Variants in KCNH1 observed in about 807,000 individuals in gnomAD.
KCNH1 encodes voltage-gated delayed rectifier potassium channel KCNH1.
KCNH1 carries 27 observed loss-of-function variants against 69.2 expected under a neutral mutation model. The observed-to-expected ratio is 0.39, with a 90% confidence interval of 0.29 to 0.54. KCNH1 has a LOEUF of 0.54. Among genes scored for constraint, KCNH1 ranks in the 20% least tolerant of loss-of-function variants. The pLI is 0.68. For synonymous variants in KCNH1, 456 were observed against 487.7 expected, an observed-to-expected ratio of 0.93 and a Z score of 0.86; for missense variants, 798 against 1,261.6, an observed-to-expected ratio of 0.63 and a Z score of 5.57.
At chr1:211,131,168 AG>A (rs1319089054) in intron 1 of KCNH1, among the ~76,000 whole-genome samples, 1 of 152,122 alleles carries the variant, frequency 6.6e-6, no homozygotes. Flanking sequence ...ATGGGGAAGG[AG>A]AGGCAGACTA....
intron 10 of KCNH1, among the ~76,000 whole-genome samples, chr1:210,729,065 C>T (rs529830538): frequency 9.8e-5 from 15 of 152,334 alleles, no homozygotes; most frequent in Middle Eastern, 3.4e-3. Flanking sequence ...TTAGATTATA[C>T]ATGAAACTGT....
intron 6 of KCNH1, among the ~76,000 whole-genome samples, chr1:210,952,006 CTT>C (rs915021676): frequency 1.3e-5 from 2 of 152,166 alleles, no homozygotes; most frequent in Non-Finnish European, 2.9e-5. Context: ...CCTGAGGACA[CTT>C]GCGCGGGGTA....
Position 211,133,998 on chromosome 1 carries a change from G to T in KCNH1, c.-53C>A. Reference sequence around the variant, plus strand: ...CGTCCTGGCGCGGCTTCTTACGACAGCAGGAAACTGGCCTCGGGGCCCGCA... The same window carrying T: ...CGTCCTGGCGCGGCTTCTTACGACATCAGGAAACTGGCCTCGGGGCCCGCA... On this transcript the variant is annotated 5_prime_UTR_variant, in exon 1 of 11. It adds an upstream start codon to the 5' untranslated region. Coordinates refer to ENST00000271751, the MANE Select transcript of KCNH1 (RefSeq NM_172362.3). This position sits in a 1 kb window ranked among gnomAD's most constrained non-coding sequence, Gnocchi z 5.4. 1.3e-6 allele frequency: 2 copies of T among 1,510,946 alleles called. No individual in the cohort carries two copies. The highest frequency in any genetic ancestry group is 1.8e-6 in the Non-Finnish European group (2 of 1,091,182). The allele number at this position is 1,510,946 out of a possible 1,614,324, so 93.6% of individuals were successfully genotyped here.
At chr1:210,997,346 C>T (rs1009777676) in intron 6 of KCNH1, among the ~76,000 whole-genome samples, 5 of 152,140 alleles carry the variant, frequency 3.3e-5, no homozygotes, top group African/African-American at 4.8e-5. Context: ...AGCCAAGGCT[C>T]CAGAACTACG....
intron 8 of KCNH1, 74 bp from the exon 9 acceptor site, chr1:210,797,834 G>A (rs187962652): frequency 1.3e-6 from 2 of 1,530,366 alleles, no homozygotes; most frequent in African/African-American, 2.7e-5. Flanking sequence ...AGCACTCTAG[G>A]GGGAGGAGCA....
chr1:211,024,981 C>T (rs1053834005), intron 5 of KCNH1, among the ~76,000 whole-genome samples: 1 of 152,142 alleles, frequency 6.6e-6, no homozygotes, highest in Non-Finnish European at 1.5e-5. Context: ...AGATTCAAAA[C>T]GCATGCTGTT....
chr1:211,052,860 T>C (rs911117969), intron 5 of KCNH1, among the ~76,000 whole-genome samples: 3 of 152,208 alleles, frequency 2.0e-5, no homozygotes, highest in African/African-American at 4.8e-5. Context: ...TAATTCTCTG[T>C]GTATCTGTCC....
chr1:210,865,083 G>A (rs930450450), intron 7 of KCNH1, among the ~76,000 whole-genome samples: 1 of 152,190 alleles, frequency 6.6e-6, no homozygotes, highest in Admixed American at 6.5e-5. Context: ...GGCTTTCCAG[G>A]TTCAAGGGTA....
chr1:210,821,376 C>T (rs1203575224), intron 7 of KCNH1, among the ~76,000 whole-genome samples: 1 of 152,140 alleles, frequency 6.6e-6, no homozygotes, highest in African/African-American at 2.4e-5. Context: ...GTAGAGAATC[C>T]ACTCATGTAG....
chr1:210,806,858 T>TATATATATATA (rs1684591788), intron 7 of KCNH1, among the ~76,000 whole-genome samples: 1 of 128,668 alleles, frequency 7.8e-6, no homozygotes, highest in Non-Finnish European at 1.6e-5. Context: ...TATATATAAA[T>TATATATATATA]TTGCCGGGCA....
At chr1:210,740,673 GA>G (rs1166896575) in intron 10 of KCNH1, among the ~76,000 whole-genome samples, 2 of 140,074 alleles carry the variant, frequency 1.4e-5, no homozygotes, top group Non-Finnish European at 1.5e-5. Context: ...CCAACTTTGA[GA>G]AAAAGTCTCT....
At chr1:211,102,127 A>G (rs1179400937) in intron 3 of KCNH1, among the ~76,000 whole-genome samples, 1 of 152,164 alleles carries the variant, frequency 6.6e-6, no homozygotes, top group African/African-American at 2.4e-5. Context: ...TCCTCATAAT[A>G]CAGGATCTTC....
intron 6 of KCNH1, among the ~76,000 whole-genome samples, chr1:210,924,813 A>G (rs374988859): frequency 5.9e-5 from 9 of 151,576 alleles, no homozygotes; most frequent in African/African-American, 2.2e-4. Context: ...GGCAGCCCCA[A>G]CCCCCAGAAA....
chr1:210,727,497 T>C (rs1435093419), intron 10 of KCNH1, among the ~76,000 whole-genome samples: 1 of 152,156 alleles, frequency 6.6e-6, no homozygotes, highest in Non-Finnish European at 1.5e-5. Flanking sequence ...CAAAGCCTGG[T>C]CCTCTGGTTA....
intron 5 of KCNH1, among the ~76,000 whole-genome samples, chr1:211,042,886 A>AAGATAGAAATTTAAAACTTC (rs1690023892): frequency 6.6e-6 from 1 of 152,204 alleles, no homozygotes. Context: ...GTCAAAAATT[A>AAGATAGAAATTTAAAACTTC]AGATAGAAAT....
At chr1:210,855,974 C>A (rs1685826617) in intron 7 of KCNH1, among the ~76,000 whole-genome samples, 1 of 152,114 alleles carries the variant, frequency 6.6e-6, no homozygotes, top group Non-Finnish European at 1.5e-5. Context: ...GGTCTCCTGC[C>A]CCAAGCAATG....
chr1:210,829,117 C>A (rs904520817), intron 7 of KCNH1, among the ~76,000 whole-genome samples: 5 of 152,130 alleles, frequency 3.3e-5, no homozygotes, highest in Non-Finnish European at 5.9e-5. Context: ...ACACACGGGG[C>A]ACTCCAAGTG....
In KCNH1 at chr1:210,729,196, C is replaced by T. The variant is rs1244770740; in HGVS notation, c.2113-45058G>A. ...GAAAAAGGAAAGAAAATTTAGAGCA[C>T]AGGGTACATTTATAAGCCAAGAGAC... On this transcript the variant is annotated intron_variant, in intron 10 of 10. Coordinates refer to ENST00000271751, the MANE Select transcript of KCNH1 (RefSeq NM_172362.3). Among the ~76,000 whole-genome samples the T allele has an allele frequency of 2.6e-5, 4 of 152,146 alleles. No individual in the cohort carries two copies. In the East Asian group the frequency reaches 7.7e-4, roughly 29 times the overall value.
intron 5 of KCNH1, among the ~76,000 whole-genome samples, chr1:211,059,255 G>C (rs1690376271): frequency 6.6e-6 from 1 of 151,174 alleles, no homozygotes; most frequent in African/African-American, 2.4e-5. Flanking sequence ...ACTCCAGCCT[G>C]GGCAACAGAG....
Sources: gnomAD v4.1 joint callset for allele counts (sites outside exome capture counted in the v4.1 genomes callset) on GRCh38, gnomAD v4.1.1 for gene constraint, Gnocchi (gnomAD v3.1) non-coding constraint, MANE v1.5 for transcripts, NCBI Gene and HGNC (gene_info 2026-07-23, HGNC 2026-07-21) for gene names.